The following RXRA variants were observed in gnomAD, a reference collection of about 807,000 sequenced individuals.
The protein encoded by RXRA is retinoic acid receptor RXR-alpha.
A neutral mutation model predicts 44.5 loss-of-function variants in RXRA; 5 were observed. That is an observed-to-expected ratio of 0.11 (90% CI 0.06 to 0.24). The LOEUF is 0.24. Ranked by LOEUF, RXRA falls within the 10% of genes least tolerant of loss-of-function variation. The pLI is 1.00. For synonymous variants in RXRA, 291 were observed against 271.4 expected, an observed-to-expected ratio of 1.07 and a Z score of -0.71; for missense variants, 412 against 646.5, an observed-to-expected ratio of 0.64 and a Z score of 3.93.
At chr9:134,347,659 G>A (rs1315577246) in intron 1 of RXRA, among the ~76,000 whole-genome samples, 1 of 152,212 alleles carries the variant, frequency 6.6e-6, no homozygotes, top group Non-Finnish European at 1.5e-5. Context: ...GGGATGCTGC[G>A]GGTGGGCTTG....
At chr9:134,413,038 C>T (rs137951557) in intron 4 of RXRA, among the ~76,000 whole-genome samples, 1 of 152,230 alleles carries the variant, frequency 6.6e-6, no homozygotes, top group African/African-American at 2.4e-5. Context: ...ATGTGGCTGA[C>T]CCACAGGTCT....
intron 1 of RXRA, among the ~76,000 whole-genome samples, chr9:134,329,050 C>A (rs1241060330): frequency 2.0e-5 from 3 of 152,252 alleles, no homozygotes; most frequent in African/African-American, 7.2e-5. Flanking sequence ...CCCCGCTGGC[C>A]TTATCCTGAA....
rs1403649587 is a variant in RXRA, at chr9:134,396,754, C to T, written c.29-4878C>T. On this transcript the variant is annotated intron_variant, in intron 1 of 9. Coordinates refer to ENST00000481739, the MANE Select transcript of RXRA (RefSeq NM_002957.6). ...CCATTTAGAACGCCGTCCTTCCCTC[C>T]GCTGGGCTTCCTGGGGCGCCAGATT... 4.6e-5 allele frequency among the ~76,000 whole-genome samples: 7 copies of T among 152,226 alleles called. No homozygotes were observed. In the East Asian group the frequency reaches 5.8e-4, roughly 13 times the overall value.
At chr9:134,380,390 G>A (rs1263468287) in intron 1 of RXRA, among the ~76,000 whole-genome samples, 1 of 152,084 alleles carries the variant, frequency 6.6e-6, no homozygotes. Context: ...TCAGGGCTGG[G>A]GACTTCGCCT....
intron 1 of RXRA, among the ~76,000 whole-genome samples, chr9:134,352,338 C>T (rs1047608532): frequency 4.6e-5 from 7 of 151,898 alleles, no homozygotes; most frequent in East Asian, 1.9e-4. Flanking sequence ...AGGGTGAGTA[C>T]GGGAAGGGGC....
chr9:134,426,583 C>T lies in RXRA; in HGVS notation c.911-2525C>T, dbSNP rs1005921320. On this transcript the variant is annotated intron_variant, in intron 6 of 9. Transcript: ENST00000481739. This position sits in a 1 kb window ranked among gnomAD's most constrained non-coding sequence, Gnocchi z 4.6. ...GTATCCCGTGCTGAGGGCCGCACCT[C>T]GGCTCAGCAGCGCCTTCTGACCCCA... 3.0e-6 allele frequency: 3 copies of T among 985,344 alleles called. No homozygotes were observed. The highest frequency in any genetic ancestry group is 6.1e-5 in the Admixed American group (1 of 16,268). 61.0% of individuals were successfully genotyped at this position (985,344 alleles called of 1,614,324 possible). A position where few individuals can be genotyped will look rare whatever the true frequency, so the allele number is the denominator to read the frequency against.
chr9:134,409,177 G>A (rs1831107161), intron 4 of RXRA, 58 bp downstream of exon 4: 21 of 1,464,322 alleles, frequency 1.4e-5, no homozygotes, highest in Non-Finnish European at 1.8e-5. Flanking sequence ...GTGGGGCCCG[G>A]GCTTGTGCGT....
rs559088581 is a variant in RXRA, at chr9:134,421,155, G to A, written c.781-521G>A. Among the ~76,000 whole-genome samples, 14 of 152,324 alleles carry A rather than the reference G, an allele frequency of 9.2e-5. No individual in the cohort carries two copies. The South Asian group carries it at 2.9e-3, about 32-fold the overall frequency. On this transcript the variant is annotated intron_variant, in intron 5 of 9. Transcript: ENST00000481739. ...TGCGTCCTGCTGTAACCCAGTGGCT[G>A]GAAACAACACACATTTTATTATATG...
In RXRA at chr9:134,417,614, A is replaced by G. The variant is rs1253155284; in HGVS notation, c.780+287A>G. Among the ~76,000 whole-genome samples the G allele has an allele frequency of 2.0e-5, 3 of 150,460 alleles. No individual in the cohort carries two copies. Among genetic ancestry groups the G allele is most frequent in the East Asian group, 2.0e-4 (1 of 5,030 alleles). On this transcript the variant is annotated intron_variant, in intron 5 of 9. Coordinates refer to ENST00000481739, the MANE Select transcript of RXRA (RefSeq NM_002957.6). This position sits in a 1 kb window ranked among gnomAD's most constrained non-coding sequence, Gnocchi z 6.1. ...TGCGGCCACATCATCATCCTCGGCC[A>G]CCTCTGCTGGGGCCTCAGCCGCCGT...
At chr9:134,378,301 C>T (rs1053746691) in intron 1 of RXRA, among the ~76,000 whole-genome samples, 3 of 152,232 alleles carry the variant, frequency 2.0e-5, no homozygotes, top group Admixed American at 6.5e-5. Context: ...GGAGCCAGGC[C>T]GGTGCTGGTG....
chr9:134,367,858 C>A (rs571063332), intron 1 of RXRA, among the ~76,000 whole-genome samples: 1 of 152,354 alleles, frequency 6.6e-6, no homozygotes, highest in African/African-American at 2.4e-5. Context: ...GGTTCCTGGG[C>A]CCCGGCTCAG....
chr9:134,336,220 C>A lies in RXRA; in HGVS notation c.28+9561C>A, dbSNP rs368116040. On this transcript the variant is annotated intron_variant, in intron 1 of 9. Coordinates refer to ENST00000481739, the MANE Select transcript of RXRA (RefSeq NM_002957.6). ...AGTGGAGGGGTGAGGACTGGAAGGG[C>A]AGTGGGGCCTTCCTCTTCCCTCCCC... Among the ~76,000 whole-genome samples, 26 of 152,322 alleles carry A rather than the reference C, an allele frequency of 1.7e-4. No homozygotes were observed. In the East Asian group the frequency reaches 4.4e-3, roughly 26 times the overall value.
chr9:134,422,258 G>T, intron 6 of RXRA: 2 of 1,283,816 alleles, frequency 1.6e-6, no homozygotes, highest in Non-Finnish European at 2.0e-6. Context: ...CCATCTCCCA[G>T]GACGCTCCCC....
At chr9:134,418,123 C>T (rs1330604528) in intron 5 of RXRA, among the ~76,000 whole-genome samples, 2 of 152,172 alleles carry the variant, frequency 1.3e-5, no homozygotes, top group African/African-American at 4.8e-5. Context: ...CCTACCCTAC[C>T]CTAAGGCCTA....
chr9:134,425,014 G>T (rs770854869), intron 6 of RXRA: 2 of 985,344 alleles, frequency 2.0e-6, no homozygotes, highest in African/African-American at 1.7e-5. Context: ...CGACAGCAAC[G>T]ATGGGAATGG....
rs549037585 is a variant in RXRA, at chr9:134,414,484, G to A, written c.611-2674G>A. ...GTGGGCGCTGTCATTTTCATCTTAC[G>A]GATGAGGGAGCCGAGGCACAGAGAG... On this transcript the variant is annotated intron_variant, in intron 4 of 9. Transcript: ENST00000481739. Among the ~76,000 whole-genome samples, 158 of 152,386 alleles carry A rather than the reference G, an allele frequency of 1.0e-3. 1 individual carries two copies. Among genetic ancestry groups the A allele is most frequent in the Admixed American group, 9.7e-3 (149 of 15,306 alleles).
intron 1 of RXRA, among the ~76,000 whole-genome samples, chr9:134,370,722 C>T (rs1317482225): frequency 2.0e-5 from 3 of 152,228 alleles, no homozygotes; most frequent in African/African-American, 4.8e-5. Context: ...ATCTGGACAG[C>T]AGCGTCCACC....
At chr9:134,331,136 T>C (rs1218755639) in intron 1 of RXRA, among the ~76,000 whole-genome samples, 1 of 152,170 alleles carries the variant, frequency 6.6e-6, no homozygotes, top group Non-Finnish European at 1.5e-5. Context: ...TGCTGGGTCC[T>C]TGGGACCAGC....
At chr9:134,415,237 G>T (rs10120653) in intron 4 of RXRA, among the ~76,000 whole-genome samples, 1,787 of 152,312 alleles carry the variant, frequency 0.012, 44 homozygotes, top group African/African-American at 0.04. Flanking sequence ...AGGCATCCAC[G>T]TGGGGCTGTT....
Sources: allele counts gnomAD v4.1 joint callset (sites outside exome capture counted in the v4.1 genomes callset), GRCh38; gene constraint gnomAD v4.1.1; non-coding constraint Gnocchi (gnomAD v3.1); transcripts MANE v1.5; gene names NCBI Gene and HGNC (gene_info 2026-07-23, HGNC 2026-07-21).